HLA-DRB5: variants seen among roughly 807,000 people sequenced by gnomAD.
The protein encoded by HLA-DRB5 is major histocompatibility complex, class II, DR beta 5, also known as DR beta-5.
Under a neutral mutation model 22.4 loss-of-function variants are expected in HLA-DRB5, and 11 were observed. The ratio of observed to expected loss-of-function variants is 0.49; its 90% CI spans 0.31 to 0.81. The LOEUF is 0.81. HLA-DRB5 is among the 40% of genes least tolerant of loss of function. The pLI, the probability that HLA-DRB5 is intolerant of heterozygous loss-of-function variation, is 0.05. For synonymous variants in HLA-DRB5, 57 were observed against 106.0 expected, an observed-to-expected ratio of 0.54 and a Z score of 2.84; for missense variants, 106 against 274.4, an observed-to-expected ratio of 0.39 and a Z score of 4.34.
At chr6:32,519,696 T>G (rs1185567850) in intron 2 of HLA-DRB5, 45 bp from the exon 3 acceptor site, 1 of 536,712 alleles carries the variant, frequency 1.9e-6, no homozygotes, top group East Asian at 4.4e-5. Flanking sequence ...GAAGACAGAG[T>G]GAATCTCCCT....
At position 32,530,264 on chromosome 6, in the gene HLA-DRB5, C is replaced by A. The variant is rs113793658; in HGVS notation, c.-40G>T. 1 of 1,159,954 alleles carries A rather than the reference C, an allele frequency of 8.6e-7. No individual in the cohort carries two copies. Among genetic ancestry groups the A allele is most frequent in the Admixed American group, 2.2e-5 (1 of 45,730 alleles). The allele number at this position is 1,159,954 out of a possible 1,614,324, so 71.9% of individuals were successfully genotyped here. A position where few individuals can be genotyped will look rare whatever the true frequency, so the allele number is the denominator to read the frequency against. On this transcript the variant is annotated 5_prime_UTR_variant, in exon 1 of 6. Coordinates refer to ENST00000374975, the MANE Select transcript of HLA-DRB5 (RefSeq NM_002125.4). ...CAGGACCAGGGGCCAGAGGAGCAGG[C>A]AAGTCTCACTCAGGGAGAACTATGA...
At position 32,530,184 on chromosome 6, in the gene HLA-DRB5, T is replaced by C. The variant is rs1064587; in HGVS notation, c.41A>G (p.Lys14Arg). The change falls in exon 1 of 6, where the codon AAG (lysine) becomes AGG (arginine). Residue 14 changes from lysine to arginine, a missense_variant. Lys to Arg is a conservative substitution (Grantham distance 26). Coordinates refer to ENST00000374975, the MANE Select transcript of HLA-DRB5 (RefSeq NM_002125.4). ...CAGCACCATCAGTGTCACTGTCAGC[T>C]TTGCCATGTAGGAACCTCCAGGGAG... ...LKLPGGSYMA[K>R]LTVTLMVLSS... 3.0e-6 allele frequency: 3 copies of C among 1,010,676 alleles called. No homozygotes were observed. The highest frequency in any genetic ancestry group is 3.9e-6 in the Non-Finnish European group (3 of 772,026). The allele number at this position is 1,010,676 out of a possible 1,614,324, so 62.6% of individuals were successfully genotyped here.
chr6:32,526,115 C>T (rs147793969), intron 1 of HLA-DRB5, among the ~76,000 whole-genome samples: 10,291 of 65,886 alleles, frequency 0.16, 679 homozygotes, highest in Non-Finnish European at 0.18. Context: ...AAACAGTCAA[C>T]CTTAACCTTG....
intron 1 of HLA-DRB5, among the ~76,000 whole-genome samples, chr6:32,528,026 C>G (rs936291286): frequency 1.8e-4 from 6 of 33,660 alleles, no homozygotes; most frequent in East Asian, 6.8e-4. Flanking sequence ...TGCTTGCTCA[C>G]TTCAGTCCCT....
chr6:32,529,207 A>G (rs879619999), intron 1 of HLA-DRB5, among the ~76,000 whole-genome samples: 12,484 of 103,414 alleles, frequency 0.12, no homozygotes, highest in Admixed American at 0.17. Context: ...CAATGTCCAC[A>G]TTCTCTCTGT....
intron 2 of HLA-DRB5, among the ~76,000 whole-genome samples, chr6:32,520,116 C>G (rs143330132): frequency 2.4e-3 from 94 of 39,626 alleles, no homozygotes; most frequent in East Asian, 5.6e-3. Context: ...ATATATAAAA[C>G]AATGACTGAA....
At chr6:32,521,147 T>G (rs1768808280) in intron 2 of HLA-DRB5, among the ~76,000 whole-genome samples, 1 of 85,902 alleles carries the variant, frequency 1.2e-5, no homozygotes, top group Non-Finnish European at 2.3e-5. Flanking sequence ...ATAAGTTGTG[T>G]CACAACTATT....
intron 1 of HLA-DRB5, among the ~76,000 whole-genome samples, chr6:32,527,161 A>T (rs1251785237): frequency 7.8e-6 from 1 of 128,102 alleles, no homozygotes; most frequent in African/African-American, 3.1e-5. Context: ...ACCACTTGTC[A>T]ACCCCAACAA....
chr6:32,529,373 T>A (rs796749484), intron 1 of HLA-DRB5, among the ~76,000 whole-genome samples: 755 of 21,308 alleles, frequency 0.035, 24 homozygotes, highest in East Asian at 0.11. Context: ...TAGGAGCAAA[T>A]AGTATAGAAA....
At chr6:32,521,333 C>A (rs1409601378) in intron 2 of HLA-DRB5, among the ~76,000 whole-genome samples, 1 of 108,506 alleles carries the variant, frequency 9.2e-6, no homozygotes, top group East Asian at 2.6e-4. Flanking sequence ...CCTAAAGAAG[C>A]TTCAGAAGTG....
At position 32,522,275 on chromosome 6, in the gene HLA-DRB5, G is replaced by A. The variant is rs1769036359; in HGVS notation, c.101-101C>T. ...CTCCCTGGGCGGGGTGCGGGCACTGGAACCTTAACTGATCCCAACCATAAC... is the reference window on the plus strand; with the variant it reads ...CTCCCTGGGCGGGGTGCGGGCACTGAAACCTTAACTGATCCCAACCATAAC... On this transcript the variant is annotated intron_variant, in intron 1 of 5. Coordinates refer to ENST00000374975, the MANE Select transcript of HLA-DRB5 (RefSeq NM_002125.4). 2 of 324,034 alleles carry A rather than the reference G, an allele frequency of 6.2e-6. 1 individual carries two copies. Among genetic ancestry groups the A allele is most frequent in the Admixed American group, 1.9e-4 (2 of 10,320 alleles). The allele number at this position is 324,034 out of a possible 1,614,324, so 20.1% of individuals were successfully genotyped here.
intron 2 of HLA-DRB5, among the ~76,000 whole-genome samples, chr6:32,521,250 T>G (rs1269996160): frequency 1.4e-5 from 1 of 71,784 alleles, no homozygotes; most frequent in Non-Finnish European, 2.8e-5. Flanking sequence ...AAAAGTTAGT[T>G]TCACAGTCAT....
chr6:32,519,917 A>C (rs533717266), intron 2 of HLA-DRB5, among the ~76,000 whole-genome samples: 2,703 of 80,010 alleles, frequency 0.034, 28 homozygotes, highest in East Asian at 0.056. Flanking sequence ...AAGTCTTTGA[A>C]AGTACAGAGT....
chr6:32,520,685 AAGAAG>A (rs1562429199), intron 2 of HLA-DRB5, among the ~76,000 whole-genome samples: 3 of 55,156 alleles, frequency 5.4e-5, no homozygotes, highest in African/African-American at 1.7e-4. Context: ...CATTTTTTTT[AAGAAG>A]GAAGGAGAAA....
intron 1 of HLA-DRB5, among the ~76,000 whole-genome samples, chr6:32,527,969 C>T (rs146711239): frequency 0.15 from 4,297 of 29,530 alleles, 1,986 homozygotes; most frequent in Middle Eastern, 0.34. Context: ...ATGAGGCTCC[C>T]GACTTCCTCT....
At chr6:32,524,016 CAAG>C (rs1769284356) in intron 1 of HLA-DRB5, among the ~76,000 whole-genome samples, 1 of 45,340 alleles carries the variant, frequency 2.2e-5, no homozygotes, top group Non-Finnish European at 4.4e-5. Context: ...AACATTGCCA[CAAG>C]TTCCCCAAGG....
intron 1 of HLA-DRB5, among the ~76,000 whole-genome samples, chr6:32,527,207 A>T (rs563205344): frequency 2.4e-5 from 1 of 41,220 alleles, no homozygotes; most frequent in Admixed American, 3.1e-4. Context: ...TTAGTTTTAA[A>T]AATTCAATAT....
At position 32,522,069 on chromosome 6, in the gene HLA-DRB5, A is replaced by AAG; in HGVS notation, c.204_205dup (p.Phe69SerfsTer12). On this transcript the variant is annotated frameshift_variant, in exon 2 of 6. Transcript: ENST00000374975. LOFTEE classifies it high-confidence loss of function. ...CCGGTACTCCCCCACGTCGCTGTCG[A>AAG]AGCGCAAGTCCTCCTCTTGGTTATA... The AAG allele has an allele frequency of 7.1e-7, 1 of 1,404,962 alleles. No individual in the cohort carries two copies. The highest frequency in any genetic ancestry group is 1.2e-5 in the South Asian group (1 of 83,246). 87.0% of individuals were successfully genotyped at this position (1,404,962 alleles called of 1,614,324 possible). A position where few individuals can be genotyped will look rare whatever the true frequency, so the allele number is the denominator to read the frequency against.
chr6:32,521,982 T>TCTGCG lies in HLA-DRB5; in HGVS notation c.292_293insCGCAG (p.Glu98AlafsTer33), dbSNP rs1768969177. 7.6e-7 allele frequency: 1 copy of TCTGCG among 1,323,688 alleles called. No homozygotes were observed. The highest frequency in any genetic ancestry group is 1.1e-6 in the Non-Finnish European group (1 of 948,910). The allele number at this position is 1,323,688 out of a possible 1,614,324, so 82.0% of individuals were successfully genotyped here. A position where few individuals can be genotyped will look rare whatever the true frequency, so the allele number is the denominator to read the frequency against. Reference sequence around the variant, plus strand: ...GGTGTCCACCGCGGCGCGCCTGTCTTCCAGGAAGTCCTTCTGGCTGTTCCA... The same window carrying TCTGCG: ...GGTGTCCACCGCGGCGCGCCTGTCTTCTGCGCCAGGAAGTCCTTCTGGCTGTTCCA... On this transcript the variant is annotated frameshift_variant, in exon 2 of 6. Transcript: ENST00000374975. LOFTEE classifies it high-confidence loss of function.
Sources: gnomAD v4.1 joint callset for allele counts (sites outside exome capture counted in the v4.1 genomes callset) on GRCh38, gnomAD v4.1.1 for gene constraint, MANE v1.5 for transcripts, NCBI Gene and HGNC (gene_info 2026-07-23, HGNC 2026-07-21) for gene names.